Variants in HS3ST5 observed in about 807,000 individuals in gnomAD.
The protein encoded by HS3ST5 is heparan sulfate-glucosamine 3-sulfotransferase 5.
A neutral mutation model predicts 25.4 loss-of-function variants in HS3ST5; 10 were observed. The ratio of observed to expected loss-of-function variants is 0.39; its 90% CI spans 0.24 to 0.67. The LOEUF is 0.67. HS3ST5 is among the 30% of genes least tolerant of loss of function. The pLI, the probability that HS3ST5 is intolerant of heterozygous loss-of-function variation, is 0.44. For missense variants in HS3ST5, 324 were observed against 420.7 expected (o/e 0.77, Z 2.01); for synonymous variants, 170 against 162.4 (o/e 1.05, Z -0.36).
Position 114,332,696 on chromosome 6 carries a change from A to T in HS3ST5, c.-339+9499T>A, listed in dbSNP as rs543827554. 3.3e-5 allele frequency among the ~76,000 whole-genome samples: 5 copies of T among 152,204 alleles called. No homozygotes were observed. The South Asian group carries it at 1.0e-3, about 32-fold the overall frequency. ...AATAACATTAACTCAATAGAGTATG[A>T]TCTGTACTACCAAACAGAGAAGCAG... On this transcript the variant is annotated intron_variant, in intron 1 of 4. Transcript: ENST00000312719.
intron 2 of HS3ST5, among the ~76,000 whole-genome samples, chr6:114,179,955 C>A (rs116411782): frequency 0.012 from 1,868 of 152,150 alleles, 46 homozygotes; most frequent in African/African-American, 0.043. Context: ...AAGCATCCAG[C>A]AGAAGAGAAA....
chr6:114,103,968 T>C (rs911200065), intron 3 of HS3ST5, among the ~76,000 whole-genome samples: 1 of 151,254 alleles, frequency 6.6e-6, no homozygotes, highest in African/African-American at 2.4e-5. Flanking sequence ...CCCAAAGTGC[T>C]GGAATTACAG....
chr6:114,193,862 C>T (rs1780617745), intron 2 of HS3ST5, among the ~76,000 whole-genome samples: 1 of 152,094 alleles, frequency 6.6e-6, no homozygotes, highest in Non-Finnish European at 1.5e-5. Context: ...TTCTACAAAT[C>T]AGAAATCTAT....
At chr6:114,332,639 G>T (rs1251708980) in intron 1 of HS3ST5, among the ~76,000 whole-genome samples, 1 of 152,106 alleles carries the variant, frequency 6.6e-6, no homozygotes, top group Admixed American at 6.5e-5. Flanking sequence ...GGTGGCGAGA[G>T]AGTGTGTGTC....
At chr6:114,067,520 G>A (rs1487509462) in intron 3 of HS3ST5, among the ~76,000 whole-genome samples, 1 of 152,048 alleles carries the variant, frequency 6.6e-6, no homozygotes, top group Non-Finnish European at 1.5e-5. Context: ...CCTAACTCTC[G>A]CTTTATGATA....
Position 114,279,540 on chromosome 6 carries a change from G to A in HS3ST5, c.-338-50762C>T, listed in dbSNP as rs185377262. Among the ~76,000 whole-genome samples the A allele has an allele frequency of 7.9e-5, 12 of 152,138 alleles. No homozygotes were observed. In the East Asian group the frequency reaches 2.3e-3, roughly 30 times the overall value. ...GTTGCAATTGCAGTGAGATCTAAAT[G>A]ATAAAAATGCCAAATGGGGGTGTTC... On this transcript the variant is annotated intron_variant, in intron 1 of 4. Coordinates refer to ENST00000312719, the MANE Select transcript of HS3ST5 (RefSeq NM_153612.4).
rs574458849 is a variant in HS3ST5, at chr6:114,234,614, A to AAAAAT, written c.-338-5841_-338-5837dup. On this transcript the variant is annotated intron_variant, in intron 1 of 4. Transcript: ENST00000312719. The stretch of plus-strand genomic sequence containing the variant: ...TATTTTGCTCTTCTGTATATAAATA[A>AAAAAT]AAAATAAGATTAACGGAATGATGGA... 4.3e-4 allele frequency among the ~76,000 whole-genome samples: 66 copies of AAAAAT among 152,298 alleles called. No homozygotes were observed. The East Asian group carries it at 7.5e-3, about 17-fold the overall frequency.
chr6:114,161,519 TTTTATATATATATATATATATA>T (rs1197721835), intron 3 of HS3ST5, among the ~76,000 whole-genome samples: 1 of 46,976 alleles, frequency 2.1e-5, no homozygotes, highest in Non-Finnish European at 4.1e-5. Flanking sequence ...CTTCCTGAAG[TTTTATATATATATATATATATA>T]TATATATATA....
chr6:114,190,805 C>T (rs539842167), intron 2 of HS3ST5, among the ~76,000 whole-genome samples: 1 of 152,258 alleles, frequency 6.6e-6, no homozygotes, highest in Admixed American at 6.5e-5. Flanking sequence ...TTTAGAACTT[C>T]GCTATTGTGA....
chr6:114,163,361 C>T (rs571897764), intron 3 of HS3ST5, among the ~76,000 whole-genome samples: 12 of 151,910 alleles, frequency 7.9e-5, no homozygotes, highest in South Asian at 2.1e-4. Flanking sequence ...TCATAAAGCT[C>T]GGTAAGTTTT....
chr6:114,301,776 TC>T (rs1775084576), intron 1 of HS3ST5, among the ~76,000 whole-genome samples: 1 of 152,086 alleles, frequency 6.6e-6, no homozygotes, highest in South Asian at 2.1e-4. Flanking sequence ...GGGGTTCTCT[TC>T]AGAATGGGAC....
At chr6:114,329,451 T>C (rs966329221) in intron 1 of HS3ST5, among the ~76,000 whole-genome samples, 2 of 152,194 alleles carry the variant, frequency 1.3e-5, no homozygotes, top group Non-Finnish European at 2.9e-5. Flanking sequence ...CTCCACGGGA[T>C]TGGCATTGGG....
intron 3 of HS3ST5, among the ~76,000 whole-genome samples, chr6:114,121,095 C>T (rs1375358953): frequency 6.6e-6 from 1 of 152,194 alleles, no homozygotes; most frequent in Non-Finnish European, 1.5e-5. Flanking sequence ...AAACAAAAAA[C>T]TTTCAAACTC....
intron 1 of HS3ST5, among the ~76,000 whole-genome samples, chr6:114,285,777 T>C (rs1774313048): frequency 6.6e-6 from 1 of 152,040 alleles, no homozygotes; most frequent in African/African-American, 2.4e-5. Context: ...TGTTTACCTA[T>C]GTAACAAACT....
intron 1 of HS3ST5, among the ~76,000 whole-genome samples, chr6:114,254,302 A>G (rs952702718): frequency 6.6e-6 from 1 of 152,250 alleles, no homozygotes; most frequent in African/African-American, 2.4e-5. Context: ...GGCAGGTTCA[A>G]CATGGCTTCA....
At chr6:114,270,397 G>A (rs987606000) in intron 1 of HS3ST5, among the ~76,000 whole-genome samples, 3 of 152,038 alleles carry the variant, frequency 2.0e-5, no homozygotes, top group African/African-American at 2.4e-5. Context: ...TCTTTAAACC[G>A]GGTATAAGAG....
intron 1 of HS3ST5, among the ~76,000 whole-genome samples, chr6:114,322,001 C>A (rs972845381): frequency 6.6e-6 from 1 of 152,112 alleles, no homozygotes; most frequent in African/African-American, 2.4e-5. Context: ...TTTCTCCACA[C>A]CATTTAGATT....
At position 114,062,886 on chromosome 6, in the gene HS3ST5, G is replaced by T; in HGVS notation, c.-32-9C>A. On this transcript the variant is annotated splice_polypyrimidine_tract_variant and intron_variant, in intron 3 of 4. Coordinates refer to ENST00000312719, the MANE Select transcript of HS3ST5 (RefSeq NM_153612.4). ...TTCAGGACTGCTGCAGCCTGCGATA[G>T]AAGGACTCATCAGCAGCCATCTCTT... 1.3e-6 allele frequency: 2 copies of T among 1,502,938 alleles called. No individual in the cohort carries two copies. The highest frequency in any genetic ancestry group is 1.4e-5 in the African/African-American group (1 of 72,824). The allele number at this position is 1,502,938 out of a possible 1,614,324, so 93.1% of individuals were successfully genotyped here.
intron 3 of HS3ST5, among the ~76,000 whole-genome samples, chr6:114,106,061 G>T (rs7762446): frequency 6.6e-6 from 1 of 152,044 alleles, no homozygotes; most frequent in African/African-American, 2.4e-5. Flanking sequence ...TTACTTTGGG[G>T]TATTTAGGGT....
Sources: gnomAD v4.1 joint callset for allele counts (sites outside exome capture counted in the v4.1 genomes callset) on GRCh38, gnomAD v4.1.1 for gene constraint, MANE v1.5 for transcripts, NCBI Gene and HGNC (gene_info 2026-07-23, HGNC 2026-07-21) for gene names.